IDH2: variants seen among roughly 807,000 people sequenced by gnomAD.
The protein encoded by IDH2 is isocitrate dehydrogenase [NADP], mitochondrial.
IDH2 carries 18 observed loss-of-function variants against 50.5 expected under a neutral mutation model. The ratio of observed to expected loss-of-function variants is 0.36; its 90% CI spans 0.25 to 0.53. The LOEUF is 0.53. IDH2 is among the 20% of genes least tolerant of loss of function. The pLI is 0.92. For missense variants in IDH2, 518 were observed against 610.7 expected (o/e 0.85, Z 1.60); for synonymous variants, 280 against 239.8 (o/e 1.17, Z -1.55).
chr15:90,094,058 C>A (rs1420032966), intron 1 of IDH2, among the ~76,000 whole-genome samples: 2 of 152,132 alleles, frequency 1.3e-5, no homozygotes, highest in Admixed American at 6.6e-5. Flanking sequence ...ACAGCACCTG[C>A]GAATGGAACT....
Position 90,085,232 on chromosome 15 carries a change from C to A in IDH2, c.1080+43G>T. ...CCTCAGCCCAGTGGGCTTTAGGCCC[C>A]TGGGGTAGAGGGGCATTGTGAGGCC... On this transcript the variant is annotated intron_variant, in intron 8 of 10. Coordinates refer to ENST00000330062, the MANE Select transcript of IDH2 (RefSeq NM_002168.4). This position sits in a 1 kb window ranked among gnomAD's most constrained non-coding sequence, Gnocchi z 5.5. 6.5e-7 allele frequency: 1 copy of A among 1,535,340 alleles called. No homozygotes were observed. Among genetic ancestry groups the A allele is most frequent in the East Asian group, 2.4e-5 (1 of 41,972 alleles).
At chr15:90,091,443 C>T (rs1211481132) in intron 2 of IDH2, 110 bp downstream of exon 2, 21 of 768,786 alleles carry the variant, frequency 2.7e-5, no homozygotes, top group Admixed American at 3.7e-5. Context: ...CTGCTGCCTA[C>T]CAGGACAACG....
intron 1 of IDH2, among the ~76,000 whole-genome samples, chr15:90,094,720 A>G (rs939781855): frequency 5.9e-5 from 9 of 152,230 alleles, no homozygotes; most frequent in Non-Finnish European, 1.0e-4. Flanking sequence ...AGCCTGGCCA[A>G]CATGGTGAAA....
At chr15:90,092,227 G>A (rs150884153) in intron 1 of IDH2, among the ~76,000 whole-genome samples, 38 of 152,114 alleles carry the variant, frequency 2.5e-4, no homozygotes, top group African/African-American at 7.7e-4. Context: ...AACCATCCCC[G>A]CTGCCCACCA....
At position 90,084,076 on chromosome 15, in the gene IDH2, C is replaced by T. The variant is rs979570697; in HGVS notation, c.*190G>A. ...AACATACTGACTGGCTGAGGTAAAACGCACTGCTCCTGCCTCACGTCACCA... is the reference window on the plus strand; with the variant it reads ...AACATACTGACTGGCTGAGGTAAAATGCACTGCTCCTGCCTCACGTCACCA... On this transcript the variant is annotated 3_prime_UTR_variant, in exon 11 of 11. Coordinates refer to ENST00000330062, the MANE Select transcript of IDH2 (RefSeq NM_002168.4). The surrounding 1 kb of genome is among the most constrained non-coding windows in gnomAD (Gnocchi z 5.0). The T allele has an allele frequency of 2.0e-5, 12 of 606,786 alleles. No homozygotes were observed. The highest frequency in any genetic ancestry group is 9.2e-5 in the African/African-American group (5 of 54,212). The allele number at this position is 606,786 out of a possible 1,614,324, so 37.6% of individuals were successfully genotyped here.
rs952605365 is a variant in IDH2, at chr15:90,098,968, T to C, written c.115+3308A>G. Among the ~76,000 whole-genome samples, 2 of 152,158 alleles carry C rather than the reference T, an allele frequency of 1.3e-5. No individual in the cohort carries two copies. Among genetic ancestry groups the C allele is most frequent in the Non-Finnish European group, 2.9e-5 (2 of 68,036 alleles). ...ACCCTTGCCATAAGTGAGTGCCTGC[T>C]GCGTATCTAGATTTTTATGTAAAAT... On this transcript the variant is annotated intron_variant, in intron 1 of 10. Coordinates refer to ENST00000330062, the MANE Select transcript of IDH2 (RefSeq NM_002168.4). This position sits in a 1 kb window ranked among gnomAD's most constrained non-coding sequence, Gnocchi z 5.1.
In IDH2 at chr15:90,091,699, C is replaced by A. The variant is rs928014042; in HGVS notation, c.116-55G>T. ...CCCCTGGGGAGGCTGGAGGGGGGCC[C>A]TCTCCTCCCAGCCAGGCCCGCCCTT... On this transcript the variant is annotated intron_variant, in intron 1 of 10. Transcript: ENST00000330062. The A allele has an allele frequency of 2.7e-6, 4 of 1,469,942 alleles. No individual in the cohort carries two copies. The African/African-American group carries it at 5.6e-5, about 20-fold the overall frequency. 91.1% of individuals were successfully genotyped at this position (1,469,942 alleles called of 1,614,324 possible). A position where few individuals can be genotyped will look rare whatever the true frequency, so the allele number is the denominator to read the frequency against.
chr15:90,090,304 C>T (rs1392567935), intron 3 of IDH2, among the ~76,000 whole-genome samples, 175 bp downstream of exon 3: 1 of 152,244 alleles, frequency 6.6e-6, no homozygotes, highest in African/African-American at 2.4e-5. Context: ...ACCAGGCACA[C>T]ACAGGGAGAC....
At chr15:90,091,129 A>G (rs1342956645) in intron 2 of IDH2, among the ~76,000 whole-genome samples, 1 of 152,182 alleles carries the variant, frequency 6.6e-6, no homozygotes, top group African/African-American at 2.4e-5. Context: ...ACTTTGGAGA[A>G]GCCAAGCGGC....
chr15:90,102,153 G>A (rs975149942), intron 1 of IDH2, 123 bp downstream of exon 1: 27 of 366,458 alleles, frequency 7.4e-5, no homozygotes, highest in Non-Finnish European at 1.0e-4. Flanking sequence ...GGCCCTTTGT[G>A]CGCCTGACCC....
intron 3 of IDH2, 47 bp from the exon 4 acceptor site, chr15:90,088,794 CA>C (rs1230969813): frequency 4.4e-6 from 7 of 1,608,664 alleles, no homozygotes; most frequent in Non-Finnish European, 8.5e-7. Flanking sequence ...CGCCATCTTT[CA>C]ACCAGAATTT....
intron 1 of IDH2, among the ~76,000 whole-genome samples, chr15:90,099,958 G>A (rs918360309): frequency 6.6e-6 from 1 of 152,102 alleles, no homozygotes; most frequent in African/African-American, 2.4e-5. Context: ...CATAAATAAA[G>A]GTCAAGTTGA....
intron 3 of IDH2, among the ~76,000 whole-genome samples, chr15:90,090,127 T>TA (rs1290634578): frequency 6.6e-6 from 1 of 152,134 alleles, no homozygotes; most frequent in East Asian, 1.9e-4. Context: ...CGATGACACC[T>TA]ACCACTGTCA....
chr15:90,086,555 G>A (rs1056544320), intron 7 of IDH2, among the ~76,000 whole-genome samples: 9 of 151,904 alleles, frequency 5.9e-5, no homozygotes, highest in Non-Finnish European at 1.0e-4. Flanking sequence ...GACTGTGCCC[G>A]CCTCCATGCC....
chr15:90,097,802 C>T (rs1259436340), intron 1 of IDH2, among the ~76,000 whole-genome samples: 2 of 152,118 alleles, frequency 1.3e-5, no homozygotes, highest in African/African-American at 4.8e-5. Flanking sequence ...TGAACAATGA[C>T]TAAGATGGTA....
Position 90,088,765 on chromosome 15 carries a change from A to C in IDH2, c.374-18T>G, listed in dbSNP as rs1044346001. 3.7e-6 allele frequency: 6 copies of C among 1,613,734 alleles called. No homozygotes were observed. Among genetic ancestry groups the C allele is most frequent in the Non-Finnish European group, 5.1e-6 (6 of 1,180,020 alleles). On this transcript the variant is annotated intron_variant, in intron 3 of 10. Coordinates refer to ENST00000330062, the MANE Select transcript of IDH2 (RefSeq NM_002168.4). ...CTTGAACTCTGTGAGGACAGAGATA[A>C]TAGTGGTCCCACTGCAGCCGCCATC... is the stretch of plus-strand genomic sequence containing the variant.
rs1361225174 is a variant in IDH2 at position 90,098,375 on chromosome 15, C to A, written c.115+3901G>T. 6.6e-6 allele frequency among the ~76,000 whole-genome samples: 1 copy of A among 152,194 alleles called. No individual in the cohort carries two copies. Among genetic ancestry groups the A allele is most frequent in the Non-Finnish European group, 1.5e-5 (1 of 68,042 alleles). On this transcript the variant is annotated intron_variant, in intron 1 of 10. Coordinates refer to ENST00000330062, the MANE Select transcript of IDH2 (RefSeq NM_002168.4). The surrounding 1 kb of genome is among the most constrained non-coding windows in gnomAD (Gnocchi z 5.1). ...CCAGCCCCAGGCATAACTGCTCCCT[C>A]CACATTCCTACCCATGCTCTCAGCA...
At chr15:90,088,273 C>T (rs937207068) in intron 5 of IDH2, 86 bp downstream of exon 5, 24 of 1,531,714 alleles carry the variant, frequency 1.6e-5, no homozygotes, top group Non-Finnish European at 2.1e-5. Context: ...AGAATGAGGC[C>T]ATTACAGAAG....
chr15:90,101,174 C>G (rs747255553), intron 1 of IDH2, among the ~76,000 whole-genome samples: 13 of 152,032 alleles, frequency 8.6e-5, no homozygotes, highest in African/African-American at 2.4e-4. Flanking sequence ...CCTCCCTACC[C>G]CCCCGGCTCT....
Sources: allele counts gnomAD v4.1 joint callset (sites outside exome capture counted in the v4.1 genomes callset), GRCh38; gene constraint gnomAD v4.1.1; non-coding constraint Gnocchi (gnomAD v3.1); transcripts MANE v1.5; gene names NCBI Gene and HGNC (gene_info 2026-07-23, HGNC 2026-07-21).